DNAH2: variants seen among roughly 807,000 people sequenced by gnomAD.
DNAH2 encodes the protein dynein axonemal heavy chain 2, also known as axonemal beta dynein heavy chain 2.
A neutral mutation model predicts 523.5 loss-of-function variants in DNAH2; 323 were observed. The ratio of observed to expected loss-of-function variants is 0.62; its 90% CI spans 0.56 to 0.68. The LOEUF (loss-of-function observed/expected upper bound fraction) is 0.68. DNAH2 is among the 30% of genes least tolerant of loss of function. DNAH2 has a pLI of 0.00. For synonymous variants in DNAH2, 2,093 were observed against 2,177.4 expected (o/e 0.96, Z 1.08); for missense variants, 4,907 against 5,701.5 (o/e 0.86, Z 4.49).
In DNAH2 at chr17:7,817,730, G is replaced by T. The variant is rs183651092; in HGVS notation, c.10169+21G>T. 61 of 1,613,702 alleles carry T rather than the reference G, an allele frequency of 3.8e-5. No individual in the cohort carries two copies. The African/African-American group carries it at 7.6e-4, about 20-fold the overall frequency. On this transcript the variant is annotated intron_variant, in intron 66 of 85. Transcript: ENST00000572933. ...AACAGGTGAGGGTGCTGCTGGGCGT[G>T]GGGGCGGTACGGGAGCATGGGAGAG...
At chr17:7,773,855 G>A (rs1285364865) in intron 28 of DNAH2, among the ~76,000 whole-genome samples, 1 of 151,854 alleles carries the variant, frequency 6.6e-6, no homozygotes, top group Non-Finnish European at 1.5e-5. Flanking sequence ...TCAGCCTCCC[G>A]AGTAGCTTGG....
rs2151354343 is a variant in DNAH2, at chr17:7,831,499, T to G, written c.12569T>G (p.Leu4190Arg). The change falls in exon 81 of 86, where the codon CTG (leucine) becomes CGG (arginine). Residue 4190 changes from leucine (L) to arginine (R), a missense_variant. Coordinates refer to ENST00000572933, the MANE Select transcript of DNAH2 (RefSeq NM_020877.5). The surrounding 1 kb of genome is among the most constrained non-coding windows in gnomAD (Gnocchi z 4.2). Reference protein sequence around the residue: ...LDPSPLNVVLLQEIQRYNTLM... With the variant: ...LDPSPLNVVLRQEIQRYNTLM... Reference sequence around the variant, plus strand: ...CCCTCCCCCCTCAATGTGGTCCTTCTGCAGGAGATCCAGAGATACAACACA... The same window carrying G: ...CCCTCCCCCCTCAATGTGGTCCTTCGGCAGGAGATCCAGAGATACAACACA... 6.2e-7 allele frequency: 1 copy of G among 1,614,194 alleles called. No homozygotes were observed. Among genetic ancestry groups the G allele is most frequent in the East Asian group, 2.2e-5 (1 of 44,892 alleles).
intron 63 of DNAH2, among the ~76,000 whole-genome samples, chr17:7,813,308 C>A (rs2151314892): frequency 6.6e-6 from 1 of 151,156 alleles, no homozygotes; most frequent in South Asian, 2.1e-4. Context: ...CTGCTACGGT[C>A]TCAAACTTCT....
rs1252938152 is a variant in DNAH2, at chr17:7,786,242, T to C, written c.6248T>C (p.Val2083Ala). 2 of 1,613,960 alleles carry C rather than the reference T, an allele frequency of 1.2e-6. No individual in the cohort carries two copies. The highest frequency in any genetic ancestry group is 1.3e-5 in the African/African-American group (1 of 74,910). ...TKNSRHSTMI[V>A]GCTGSGKTAS... is the part of the protein sequence containing the mutation. ...AACTCCCGCCACTCCACCATGATCG[T>C]GGGCTGCACGGGCAGCGGCAAGACT... Residue 2083 changes from valine (V) to alanine (A), a missense_variant, in exon 40 of 86, where the codon GTG (valine) becomes GCG (alanine). Transcript: ENST00000572933. The surrounding 1 kb of genome is among the most constrained non-coding windows in gnomAD (Gnocchi z 7.5).
At chr17:7,794,947 G>A (rs1269963446) in intron 49 of DNAH2, among the ~76,000 whole-genome samples, 1 of 151,946 alleles carries the variant, frequency 6.6e-6, no homozygotes, top group Non-Finnish European at 1.5e-5. Flanking sequence ...TAGAGACAGA[G>A]TTTCGTCATG....
At position 7,817,793 on chromosome 17, in the gene DNAH2, G is replaced by A. The variant is rs368882672; in HGVS notation, c.10173G>A (p.Trp3391Ter). ...NGIIVTRGNR[W>*]ALMIDPQAQA... ...CTGACCTGTACTCCCCTTCCAGGTGGGCACTGATGATCGACCCTCAGGCCC... is the reference window on the plus strand; with the variant it reads ...CTGACCTGTACTCCCCTTCCAGGTGAGCACTGATGATCGACCCTCAGGCCC... The change falls in exon 67 of 86, where the codon TGG becomes TGA. Residue 3391 changes from tryptophan (W) to a stop codon, truncating the protein, a stop_gained. Transcript: ENST00000572933. LOFTEE classifies it high-confidence loss of function. 1.2e-6 allele frequency: 2 copies of A among 1,614,046 alleles called. No homozygotes were observed. Among genetic ancestry groups the A allele is most frequent in the South Asian group, 1.1e-5 (1 of 91,068 alleles).
chr17:7,739,553 C>T (rs1161310108), intron 8 of DNAH2, among the ~76,000 whole-genome samples, 180 bp from the exon 9 acceptor site: 1 of 152,120 alleles, frequency 6.6e-6, no homozygotes, highest in Non-Finnish European at 1.5e-5. Flanking sequence ...AAGTTCATCC[C>T]AGCAGCCCCC....
chr17:7,811,540 A>G (rs1416754070), intron 63 of DNAH2, among the ~76,000 whole-genome samples: 1 of 106,952 alleles, frequency 9.3e-6, no homozygotes, highest in Non-Finnish European at 2.3e-5. Flanking sequence ...ACAGAAATTG[A>G]TATCTTACAG....
chr17:7,791,824 C>G, intron 44 of DNAH2, 93 bp from the exon 45 acceptor site: 1 of 1,282,902 alleles, frequency 7.8e-7, no homozygotes, highest in East Asian at 2.4e-5. Context: ...AGGAGGAAGA[C>G]CCAGGCTTTC....
rs2076784746 is a variant in DNAH2 at position 7,787,890 on chromosome 17, G to A, written c.6634G>A (p.Ala2212Thr). The change falls in exon 43 of 86, where the codon GCA (alanine) becomes ACA (threonine). Residue 2212 changes from alanine to threonine, a missense_variant. Around this residue, in one of 3 missense-constraint regions of DNAH2, gnomAD observed 2,806 missense variants for 3,190.8 expected, o/e 0.88. Transcript: ENST00000572933. The part of the protein sequence containing the change: ...VSLLFEVEDL[A>T]MASPATVSRC... ...TCTCCTGTTTGAAGTGGAGGACCTG[G>A]CAATGGCCTCTCCGGCCACTGTATC... The A allele has an allele frequency of 1.9e-6, 3 of 1,614,086 alleles. No individual in the cohort carries two copies. The highest frequency in any genetic ancestry group is 2.5e-6 in the Non-Finnish European group (3 of 1,179,970).
chr17:7,807,486 A>G lies in DNAH2; in HGVS notation c.9629A>G (p.Tyr3210Cys), dbSNP rs1434611733. Residue 3210 changes from tyrosine (Y) to cysteine (C), a missense_variant, in exon 63 of 86, where the codon TAT becomes TGT. By Grantham distance (194) the Tyr-to-Cys change is radical. Around this residue, in one of 3 missense-constraint regions of DNAH2, gnomAD observed 1,851 missense variants for 2,139.4 expected, o/e 0.87. Coordinates refer to ENST00000572933, the MANE Select transcript of DNAH2 (RefSeq NM_020877.5). The surrounding 1 kb of genome is among the most constrained non-coding windows in gnomAD (Gnocchi z 5.6). ...VRAMELYGRL[Y>C]RVVEPKRIRM... ...TCCCCACAGCTGTATGGGCGGCTAT[A>G]TCGGGTGGTGGAGCCCAAGCGAATC... 1 of 1,613,602 alleles carries G rather than the reference A, an allele frequency of 6.2e-7. No homozygotes were observed.
Position 7,833,483 on chromosome 17 carries a change from G to C in DNAH2, c.13234G>C (p.Asp4412His). Residue 4412 changes from aspartate (D) to histidine (H), a missense_variant, in exon 86 of 86, where the codon GAT (aspartate) becomes CAT (histidine). Asp to His is a moderately conservative substitution (Grantham distance 81, BLOSUM62 -1). Transcript: ENST00000572933. ...IDLRSGAMTP[D>H]HWIKRGTALL... Reference sequence around the variant, plus strand: ...CCTGCGGTCTGGGGCCATGACACCTGATCATTGGATCAAGAGGGGCACTGC... The same window carrying C: ...CCTGCGGTCTGGGGCCATGACACCTCATCATTGGATCAAGAGGGGCACTGC... 6.2e-7 allele frequency: 1 copy of C among 1,614,102 alleles called. No homozygotes were observed.
At position 7,743,076 on chromosome 17, in the gene DNAH2, G is replaced by A. The variant is rs1292795971; in HGVS notation, c.1838G>A (p.Arg613Gln). 1.0e-5 allele frequency: 16 copies of A among 1,542,352 alleles called. No individual in the cohort carries two copies. The highest frequency in any genetic ancestry group is 1.2e-5 in the Non-Finnish European group (14 of 1,150,720). Residue 613 changes from arginine (R) to glutamine (Q), a missense_variant, in exon 12 of 86, where the codon CGG becomes CAG. By Grantham distance (43) the Arg-to-Gln change is conservative (BLOSUM62 1). Coordinates refer to ENST00000572933, the MANE Select transcript of DNAH2 (RefSeq NM_020877.5). The stretch of plus-strand genomic sequence containing the variant: ...AGTCTGGACAAGGATTGCATTCGGC[G>A]GTTGGATACCCCATTGCTGCGAATC... ...TSSLDKDCIR[R>Q]LDTPLLRISQ...
At position 7,798,380 on chromosome 17, in the gene DNAH2, C is replaced by T. The variant is rs192553488; in HGVS notation, c.8398+56C>T. ...AAAAGATCAGATGCATACATTCCTG[C>T]AGTGACAAGAGAGGAGAGATGGCAG... On this transcript the variant is annotated intron_variant, in intron 54 of 85. Transcript: ENST00000572933. The surrounding 1 kb of genome is among the most constrained non-coding windows in gnomAD (Gnocchi z 5.5). 5.4e-3 allele frequency: 8,450 copies of T among 1,563,914 alleles called. 29 individuals carry two copies. The highest frequency in any genetic ancestry group is 9.5e-3 in the Middle Eastern group (56 of 5,894).
At chr17:7,825,176 T>G (rs2077984875) in intron 77 of DNAH2, among the ~76,000 whole-genome samples, 1 of 152,194 alleles carries the variant, frequency 6.6e-6, no homozygotes, top group Non-Finnish European at 1.5e-5. Context: ...TTCCTGCCTC[T>G]TTGCCTTTCC....
At chr17:7,767,221 A>T (rs2076194728) in intron 22 of DNAH2, among the ~76,000 whole-genome samples, 1 of 152,022 alleles carries the variant, frequency 6.6e-6, no homozygotes, top group African/African-American at 2.4e-5. Context: ...TCTTTCGCTT[A>T]GCATAATGTC....
chr17:7,824,573 T>A lies in DNAH2; in HGVS notation c.11699T>A (p.Leu3900Gln), dbSNP rs750810588. Residue 3900 changes from leucine (L) to glutamine (Q), a missense_variant, in exon 77 of 86, where the codon CTG becomes CAG. By Grantham distance (113) the Leu-to-Gln change is moderately radical. Around this residue, in one of 3 missense-constraint regions of DNAH2, gnomAD observed 1,851 missense variants for 2,139.4 expected, o/e 0.87. Coordinates refer to ENST00000572933, the MANE Select transcript of DNAH2 (RefSeq NM_020877.5). ...TTCCTGGCAAACTGCCACCTGTCAC[T>A]GTCTTGGATGCCTAATCTGGACAAG... ...WVFLANCHLS[L>Q]SWMPNLDKLV... 1 of 1,583,064 alleles carries A rather than the reference T, an allele frequency of 6.3e-7. No individual in the cohort carries two copies. Among genetic ancestry groups the A allele is most frequent in the Admixed American group, 1.7e-5 (1 of 57,784 alleles).
At chr17:7,792,606 G>T in intron 46 of DNAH2, 51 bp from the exon 47 acceptor site, 1 of 1,477,922 alleles carries the variant, frequency 6.8e-7, no homozygotes, top group Non-Finnish European at 9.4e-7. Flanking sequence ...AGTGGGAGTT[G>T]GAAAGGAGTG....
chr17:7,818,370 T>C lies in DNAH2; in HGVS notation c.10446T>C (p.Arg3482=). The C allele has an allele frequency of 6.2e-7, 1 of 1,614,140 alleles. No individual in the cohort carries two copies. Residue 3482 remains arginine (R), a synonymous_variant, in exon 69 of 86, where the codon CGT becomes CGC. Transcript: ENST00000572933. ...DKEVEYNTNF[R]FYITTKLSNP... ...AGGTGGAATATAATACCAATTTCCG[T>C]TTCTACATCACCACCAAGCTCTCCA...
Sources: gnomAD v4.1 joint callset for allele counts (sites outside exome capture counted in the v4.1 genomes callset) on GRCh38, gnomAD v4.1.1 for gene constraint, gnomAD v4.1.1 regional missense constraint, Gnocchi (gnomAD v3.1) non-coding constraint, MANE v1.5 for transcripts, NCBI Gene and HGNC (gene_info 2026-07-23, HGNC 2026-07-21) for gene names.